RIN3: variants seen among roughly 807,000 people sequenced by gnomAD.
The protein encoded by RIN3 is Ras and Rab interactor 3.
RIN3 carries 54 observed loss-of-function variants against 76.3 expected under a neutral mutation model. The observed-to-expected ratio is 0.71, with a 90% CI of 0.57 to 0.89. RIN3 has a LOEUF of 0.89. Ranked by LOEUF, RIN3 falls within the 40% of genes least tolerant of loss-of-function variation. The probability of loss-of-function intolerance (pLI) is 0.00; values close to 1 mark genes in which losing one functional copy is unlikely to be tolerated. For missense variants in RIN3, 1,256 were observed against 1,322.1 expected (o/e 0.95, Z 0.78); for synonymous variants, 576 against 564.0 (o/e 1.02, Z -0.30).
intron 3 of RIN3, among the ~76,000 whole-genome samples, chr14:92,590,334 A>G (rs528317821): frequency 4.6e-5 from 7 of 152,160 alleles, no homozygotes; most frequent in South Asian, 2.1e-4. Context: ...GCAATCCCCA[A>G]TGCTGGAGGT....
chr14:92,620,087 T>C (rs1406565843), intron 4 of RIN3, among the ~76,000 whole-genome samples: 1 of 152,262 alleles, frequency 6.6e-6, no homozygotes, highest in Admixed American at 6.5e-5. Context: ...AATATTTGAC[T>C]TAAGCTTTTA....
chr14:92,554,991 A>G (rs1217464278), intron 1 of RIN3, among the ~76,000 whole-genome samples: 1 of 152,214 alleles, frequency 6.6e-6, no homozygotes, highest in Non-Finnish European at 1.5e-5. Flanking sequence ...TTTTTATCAC[A>G]GTAAGTTTGA....
In RIN3 at chr14:92,676,887, A is replaced by C. The variant is rs999861544; in HGVS notation, c.2467+281A>C. On this transcript the variant is annotated intron_variant, in intron 8 of 9. Coordinates refer to ENST00000216487, the MANE Select transcript of RIN3 (RefSeq NM_024832.5). ...TAGGAGCATGTTACCCAGACTGTGC[A>C]GTCAGGGAAGGCTTCCTGGAGGAGG... Among the ~76,000 whole-genome samples, 16 of 152,182 alleles carry C rather than the reference A, an allele frequency of 1.1e-4. 1 individual carries two copies. Among genetic ancestry groups the C allele is most frequent in the Non-Finnish European group, 4.4e-5 (3 of 68,026 alleles).
intron 7 of RIN3, among the ~76,000 whole-genome samples, chr14:92,666,702 G>A (rs537606168): frequency 2.6e-4 from 40 of 152,142 alleles, no homozygotes; most frequent in African/African-American, 8.9e-4. Flanking sequence ...CTAGTCATTC[G>A]GAGCTGGTCC....
chr14:92,568,550 C>A lies in RIN3; in HGVS notation c.250-8810C>A, dbSNP rs1372919728. On this transcript the variant is annotated intron_variant, in intron 2 of 9. Transcript: ENST00000216487. The surrounding 1 kb of genome is among the most constrained non-coding windows in gnomAD (Gnocchi z 4.2). ...CCTCCCCAGAGAGGAACAGAACAGA[C>A]CCTCTGATTCCAGTTGGCCAAGGCA... 6.6e-6 allele frequency among the ~76,000 whole-genome samples: 1 copy of A among 152,248 alleles called. No individual in the cohort carries two copies. The highest frequency in any genetic ancestry group is 1.5e-5 in the Non-Finnish European group (1 of 68,036).
intron 4 of RIN3, among the ~76,000 whole-genome samples, chr14:92,631,924 A>G (rs560531788): frequency 6.6e-6 from 1 of 152,280 alleles, no homozygotes; most frequent in East Asian, 1.9e-4. Flanking sequence ...AACTTCTTCC[A>G]GGTGAATGAT....
chr14:92,576,959 A>G (rs1334437281), intron 2 of RIN3, among the ~76,000 whole-genome samples: 1 of 152,134 alleles, frequency 6.6e-6, no homozygotes, highest in Non-Finnish European at 1.5e-5. Flanking sequence ...CCTGTACATT[A>G]GAGCTTTTCT....
chr14:92,615,206 A>G (rs1885908498), intron 3 of RIN3, among the ~76,000 whole-genome samples: 1 of 152,028 alleles, frequency 6.6e-6, no homozygotes, highest in African/African-American at 2.4e-5. Flanking sequence ...TGAAATCTCA[A>G]TGGATTGACA....
intron 8 of RIN3, among the ~76,000 whole-genome samples, chr14:92,678,500 C>T (rs1888556702): frequency 7.2e-6 from 1 of 138,530 alleles, no homozygotes; most frequent in African/African-American, 2.7e-5. Context: ...TATTCACCAC[C>T]CACCCATCCA....
At chr14:92,581,959 T>A (rs1884556382) in intron 3 of RIN3, among the ~76,000 whole-genome samples, 2 of 152,106 alleles carry the variant, frequency 1.3e-5, no homozygotes. Flanking sequence ...GGATTCTTGC[T>A]GAAGGCAGGC....
chr14:92,534,599 ACAAAAAG>A (rs1566830633), intron 1 of RIN3, among the ~76,000 whole-genome samples: 1 of 149,216 alleles, frequency 6.7e-6, no homozygotes, highest in African/African-American at 2.5e-5. Context: ...AAAAAAAAAA[ACAAAAAG>A]AAAGAAAGAA....
At chr14:92,596,163 G>A (rs1885142368) in intron 3 of RIN3, among the ~76,000 whole-genome samples, 1 of 152,178 alleles carries the variant, frequency 6.6e-6, no homozygotes, top group South Asian at 2.1e-4. Flanking sequence ...TCCCCTGCTG[G>A]AATGTTCCTT....
In RIN3 at chr14:92,665,186, C is replaced by T. The variant is rs192897672; in HGVS notation, c.2335+5717C>T. Among the ~76,000 whole-genome samples, 16 of 152,264 alleles carry T rather than the reference C, an allele frequency of 1.1e-4. No individual in the cohort carries two copies. In the East Asian group the frequency reaches 2.9e-3, roughly 28 times the overall value. ...CCACCCTGTACAGCATGTGACTATA[C>T]TGAAAACTGTAGGCAGTTGTAGCTC... On this transcript the variant is annotated intron_variant, in intron 7 of 9. Transcript: ENST00000216487.
chr14:92,518,789 C>CTGTGTGTGTGTGTGTGTG (rs61124300), intron 1 of RIN3, among the ~76,000 whole-genome samples: 1,707 of 128,374 alleles, frequency 0.013, 48 homozygotes, highest in East Asian at 0.032. Flanking sequence ...TAAGGGTGGC[C>CTGTGTGTGTGTGTGTGTG]TGTGTGTGTG....
At position 92,537,634 on chromosome 14, in the gene RIN3, C is replaced by CTTTTTTTTT. The variant is rs576683908; in HGVS notation, c.45-18098_45-18090dup. On this transcript the variant is annotated intron_variant, in intron 1 of 9. Transcript: ENST00000216487. Reference sequence around the variant, plus strand: ...CAGCTATAAGTGAGTGCCTTAGGGACTTTTTTTTTTTTTTTTTTTTTTTTT... The same window carrying CTTTTTTTTT: ...CAGCTATAAGTGAGTGCCTTAGGGACTTTTTTTTTTTTTTTTTTTTTTTTTTTTTTTTTT... 3.3e-3 allele frequency among the ~76,000 whole-genome samples: 171 copies of CTTTTTTTTT among 51,644 alleles called. 11 individuals are homozygous for CTTTTTTTTT. The highest frequency in any genetic ancestry group is 4.1e-3 in the Non-Finnish European group (121 of 29,564). The allele number at this position is 51,644 out of a possible 152,430, so 33.9% of individuals were successfully genotyped here.
chr14:92,583,431 A>G (rs1884631531), intron 3 of RIN3, among the ~76,000 whole-genome samples: 1 of 152,218 alleles, frequency 6.6e-6, no homozygotes, highest in South Asian at 2.1e-4. Context: ...GTAACAAACA[A>G]CCCTAACCCC....
chr14:92,578,366 G>A (rs567421395), intron 3 of RIN3, among the ~76,000 whole-genome samples: 1 of 152,212 alleles, frequency 6.6e-6, no homozygotes, highest in Non-Finnish European at 1.5e-5. Context: ...GGTTTGTTCT[G>A]GTAGTACAAT....
chr14:92,627,527 CT>C (rs1404990269), intron 4 of RIN3, among the ~76,000 whole-genome samples: 3 of 152,252 alleles, frequency 2.0e-5, no homozygotes, highest in Non-Finnish European at 4.4e-5. Context: ...TTCACACACA[CT>C]TTCAACCTCC....
At chr14:92,589,397 C>A (rs1420995785) in intron 3 of RIN3, among the ~76,000 whole-genome samples, 2 of 152,142 alleles carry the variant, frequency 1.3e-5, no homozygotes, top group Non-Finnish European at 2.9e-5. Context: ...ATGTCGCATA[C>A]AACATCTGTG....
Sources: gnomAD v4.1 joint callset for allele counts (sites outside exome capture counted in the v4.1 genomes callset) on GRCh38, gnomAD v4.1.1 for gene constraint, Gnocchi (gnomAD v3.1) non-coding constraint, MANE v1.5 for transcripts, NCBI Gene and HGNC (gene_info 2026-07-23, HGNC 2026-07-21) for gene names.